CIB1: variants seen among roughly 807,000 people sequenced by gnomAD.
CIB1 encodes the protein calcium and integrin binding 1, also known as calcium and integrin-binding protein 1.
In CIB1, 19 loss-of-function variants were observed where a neutral mutation model predicts 25.0. The observed-to-expected ratio is 0.76, with a 90% confidence interval of 0.53 to 1.12. The LOEUF is 1.12. CIB1 is among the 50% of genes most tolerant of loss of function. The pLI is 0.00. For missense variants in CIB1, 236 were observed against 242.6 expected, an observed-to-expected ratio of 0.97 and a Z score of 0.18; for synonymous variants, 104 against 98.5, an observed-to-expected ratio of 1.06 and a Z score of -0.33.
At chr15:90,232,599 G>A (rs747642316) in intron 2 of CIB1, among the ~76,000 whole-genome samples, 32 of 152,196 alleles carry the variant, frequency 2.1e-4, no homozygotes, top group Non-Finnish European at 3.8e-4. Flanking sequence ...GTTGGGAAAG[G>A]AGCCAGAAGT....
upstream of CIB1, chr15:90,234,059 G>T (rs1230884220): frequency 5.6e-6 from 4 of 718,464 alleles, no homozygotes; most frequent in Non-Finnish European, 8.5e-6. Flanking sequence ...GGTTTGGCAG[G>T]CGAGCTGCCG....
chr15:90,247,122 T>C, the CIB1 span, among the ~76,000 whole-genome samples: 1,366 of 150,668 alleles, frequency 9.1e-3, 39 homozygotes, highest in African/African-American at 0.032. Context: ...ACTACAGGCG[T>C]GCGCCACCAT....
In CIB1 at chr15:90,233,676, TCTC is replaced by T; in HGVS notation, c.76_78del (p.Glu26del). The stretch of plus-strand genomic sequence containing the variant: ...GTTCAAGGCAGCACTTACAGGAGGA[TCTC>T]CTGCTTCGTCAGGAACGTCAAGTCC... On this transcript the variant is annotated inframe_deletion, in exon 2 of 7. Coordinates refer to ENST00000328649, the MANE Select transcript of CIB1 (RefSeq NM_006384.4). 1 of 1,578,350 alleles carries T rather than the reference TCTC, an allele frequency of 6.3e-7. No individual in the cohort carries two copies. Among genetic ancestry groups the T allele is most frequent in the South Asian group, 1.2e-5 (1 of 86,220 alleles).
chr15:90,236,273 G>A (rs1173256172), upstream of CIB1: 1 of 152,174 alleles, frequency 6.6e-6, no homozygotes, highest in Non-Finnish European at 1.5e-5. Context: ...CCCAACCTCA[G>A]GTGATCGCCT....
At chr15:90,254,506 A>C in the CIB1 span, among the ~76,000 whole-genome samples, 1 of 150,146 alleles carries the variant, frequency 6.7e-6, no homozygotes, top group African/African-American at 2.4e-5. Flanking sequence ...AAAAAAAAAA[A>C]AAAAGGACGC....
chr15:90,257,328 G>A, the CIB1 span: 3 of 1,578,260 alleles, frequency 1.9e-6, no homozygotes, highest in Admixed American at 1.9e-5. Context: ...CAAAAGTGCT[G>A]AGGTTCTCTA....
At chr15:90,241,996 G>A in the CIB1 span, 40 of 1,614,000 alleles carry the variant, frequency 2.5e-5, no homozygotes, top group African/African-American at 5.3e-5. Flanking sequence ...CAGGACTGTC[G>A]GCTGCCCCCA....
At chr15:90,263,755 G>T in the CIB1 span, 1 of 692,166 alleles carries the variant, frequency 1.4e-6, no homozygotes, top group East Asian at 2.7e-5. Flanking sequence ...ATTTTGCTAG[G>T]ACAGGCTGGG....
the CIB1 span, chr15:90,263,270 A>G: frequency 1.1e-6 from 1 of 879,220 alleles, no homozygotes; most frequent in Non-Finnish European, 1.7e-6. Flanking sequence ...GGGAAAGCAG[A>G]GTGCGCTAGC....
At chr15:90,232,160 AG>A in intron 3 of CIB1, 58 bp downstream of exon 3, 1 of 1,342,236 alleles carries the variant, frequency 7.5e-7, no homozygotes, top group African/African-American at 1.4e-5. Flanking sequence ...AGATGGAGTT[AG>A]GGGGTCTAGC....
At chr15:90,264,059 G>A in the CIB1 span, 15 of 1,524,756 alleles carry the variant, frequency 9.8e-6, no homozygotes, top group Middle Eastern at 1.7e-4. Flanking sequence ...CTCACTAGCC[G>A]TAAGTATGCA....
At chr15:90,242,313 C>T in the CIB1 span, 12 of 267,978 alleles carry the variant, frequency 4.5e-5, no homozygotes, top group Middle Eastern at 1.1e-3. Context: ...TTTATATAGA[C>T]AGCGTTTCAC....
chr15:90,245,845 A>C, the CIB1 span: 1 of 152,188 alleles, frequency 6.6e-6, no homozygotes, highest in African/African-American at 2.4e-5. Context: ...GTGAATCTTC[A>C]AGAAGAGCAT....
At chr15:90,239,305 A>ATGTGTGTGTGTGTGTG in the CIB1 span, among the ~76,000 whole-genome samples, 405 of 147,964 alleles carry the variant, frequency 2.7e-3, 4 homozygotes, top group African/African-American at 8.1e-3. Context: ...GAGACATAAA[A>ATGTGTGTGTGTGTGTG]TGTGTGTGTG....
chr15:90,259,235 A>G, the CIB1 span: 2 of 379,800 alleles, frequency 5.3e-6, no homozygotes, highest in Non-Finnish European at 9.4e-6. Flanking sequence ...TAATTAAAAA[A>G]TAAAAAATTA....
chr15:90,232,531 T>C, intron 2 of CIB1: 1 of 659,282 alleles, frequency 1.5e-6, no homozygotes, highest in South Asian at 3.4e-5. Context: ...AATGAGTATT[T>C]ACTGAGCATT....
chr15:90,262,432 C>T, the CIB1 span: 1 of 1,424,162 alleles, frequency 7.0e-7, no homozygotes, highest in East Asian at 2.5e-5. Flanking sequence ...CCCATTTTTC[C>T]TCACCCCTCT....
At chr15:90,256,553 C>CT in the CIB1 span, among the ~76,000 whole-genome samples, 1 of 77,174 alleles carries the variant, frequency 1.3e-5, no homozygotes. Flanking sequence ...CTTTTTCTTT[C>CT]TTTCTTTCTT....
At chr15:90,263,112 C>A in the CIB1 span, 4 of 1,529,378 alleles carry the variant, frequency 2.6e-6, no homozygotes, top group Non-Finnish European at 2.6e-6. Context: ...AGCACCCTGG[C>A]CCCCAGGGCC....
Sources: allele counts gnomAD v4.1 joint callset (sites outside exome capture counted in the v4.1 genomes callset), GRCh38; gene constraint gnomAD v4.1.1; transcripts MANE v1.5; gene names NCBI Gene and HGNC (gene_info 2026-07-23, HGNC 2026-07-21).